The following DPH6 variants were observed in gnomAD, a reference collection of about 807,000 sequenced individuals.
DPH6 encodes diphthine--ammonia ligase.
A neutral mutation model predicts 38.2 loss-of-function variants in DPH6; 33 were observed. The observed-to-expected ratio is 0.86, with a 90% confidence interval of 0.65 to 1.15. DPH6 has a LOEUF of 1.15. DPH6 is among the 50% of genes most tolerant of loss of function. The pLI, the probability that DPH6 is intolerant of heterozygous loss-of-function variation, is 0.00. For missense variants in DPH6, 325 were observed against 320.0 expected (o/e 1.02, Z -0.12); for synonymous variants, 108 against 103.0 (o/e 1.05, Z -0.30).
chr15:35,361,821 T>C (rs1360050282), intron 3 of DPH6, among the ~76,000 whole-genome samples: 1 of 151,942 alleles, frequency 6.6e-6, no homozygotes, highest in African/African-American at 2.4e-5. Context: ...ATTTTGTTTA[T>C]GCATCATTTT....
chr15:35,160,507 G>A, the DPH6 span, among the ~76,000 whole-genome samples: 1 of 151,832 alleles, frequency 6.6e-6, no homozygotes, highest in Non-Finnish European at 1.5e-5. Context: ...TAAATTGCAT[G>A]TTGCTGGGGT....
chr15:35,459,880 CTTTG>C (rs2054042321), intron 3 of DPH6, among the ~76,000 whole-genome samples: 1 of 152,138 alleles, frequency 6.6e-6, no homozygotes. Flanking sequence ...ATGTTAGGTA[CTTTG>C]TTTATCTTAT....
chr15:35,245,872 A>G (rs1013772971), intron 3 of DPH6, among the ~76,000 whole-genome samples: 1 of 152,214 alleles, frequency 6.6e-6, no homozygotes, highest in South Asian at 2.1e-4. Flanking sequence ...TCTCAAGCAA[A>G]TGTTGAGTCT....
intron 3 of DPH6, among the ~76,000 whole-genome samples, chr15:35,363,713 TTTC>T (rs1467063545): frequency 1.3e-5 from 2 of 152,042 alleles, no homozygotes; most frequent in African/African-American, 4.8e-5. Context: ...TTTTGCCTTT[TTTC>T]TTTTTCTATT....
At chr15:35,188,483 T>C in the DPH6 span, among the ~76,000 whole-genome samples, 1 of 151,956 alleles carries the variant, frequency 6.6e-6, no homozygotes, top group African/African-American at 2.4e-5. Flanking sequence ...AAGTCAGAGG[T>C]CAAACAGTAC....
the DPH6 span, among the ~76,000 whole-genome samples, chr15:35,150,773 G>A: frequency 1.3e-5 from 2 of 152,148 alleles, no homozygotes; most frequent in Non-Finnish European, 2.9e-5. Context: ...ACATAGCCAT[G>A]TAAACAATAA....
At chr15:35,262,303 A>G (rs780489373) in intron 3 of DPH6, among the ~76,000 whole-genome samples, 9 of 152,224 alleles carry the variant, frequency 5.9e-5, no homozygotes, top group Non-Finnish European at 1.0e-4. Context: ...AGATAAACAC[A>G]CTTCATAAAA....
intron 3 of DPH6, among the ~76,000 whole-genome samples, chr15:35,224,736 ATTGTCAG>A (rs2051468088): frequency 6.6e-6 from 1 of 152,168 alleles, no homozygotes; most frequent in Non-Finnish European, 1.5e-5. Flanking sequence ...AGCATGTGGT[ATTGTCAG>A]TGTTTTGAAT....
chr15:35,524,499 T>A (rs373171770), intron 3 of DPH6, among the ~76,000 whole-genome samples: 25 of 152,298 alleles, frequency 1.6e-4, no homozygotes, highest in African/African-American at 6.0e-4. Flanking sequence ...GTATGCACTA[T>A]ATATGTACTG....
intron 3 of DPH6, among the ~76,000 whole-genome samples, chr15:35,285,872 G>GTTTGTTTTTTTT (rs2051938401): frequency 1.9e-5 from 1 of 52,794 alleles, no homozygotes; most frequent in African/African-American, 7.5e-5. Context: ...TTATCTTTGA[G>GTTTGTTTTTTTT]TTTTTTTTTT....
At chr15:35,269,804 T>A (rs1329292107) in intron 3 of DPH6, among the ~76,000 whole-genome samples, 1 of 148,318 alleles carries the variant, frequency 6.7e-6, no homozygotes, top group Non-Finnish European at 1.5e-5. Flanking sequence ...TTTTTTTTTT[T>A]TTTTGAGACG....
chr15:35,439,129 A>G (rs1356606576), intron 5 of DPH6, among the ~76,000 whole-genome samples: 2 of 152,260 alleles, frequency 1.3e-5, no homozygotes, highest in Admixed American at 1.3e-4. Flanking sequence ...AAGACTGGAT[A>G]GAATTGTCTT....
intron 3 of DPH6, among the ~76,000 whole-genome samples, chr15:35,474,569 T>C (rs2054242143): frequency 6.6e-6 from 1 of 152,186 alleles, no homozygotes; most frequent in African/African-American, 2.4e-5. Flanking sequence ...TTTTTCTTCA[T>C]AGATCATCTT....
At chr15:35,468,509 T>C (rs914061287) in intron 3 of DPH6, among the ~76,000 whole-genome samples, 3 of 152,082 alleles carry the variant, frequency 2.0e-5, no homozygotes, top group Non-Finnish European at 2.9e-5. Context: ...TACCCCATTA[T>C]CTCTCTATCC....
the DPH6 span, among the ~76,000 whole-genome samples, chr15:35,163,171 C>T: frequency 2.0e-5 from 3 of 151,840 alleles, no homozygotes; most frequent in Admixed American, 1.3e-4. Flanking sequence ...ATTATTTGGG[C>T]TTTGCTGAAG....
intron 3 of DPH6, among the ~76,000 whole-genome samples, chr15:35,313,540 C>T (rs1257812749): frequency 6.6e-6 from 1 of 151,896 alleles, no homozygotes; most frequent in Non-Finnish European, 1.5e-5. Context: ...TTTTATTGTA[C>T]AGATCTTTCA....
At chr15:35,327,432 G>A (rs968952004), downstream of DPH6, among the ~76,000 whole-genome samples, 2 of 143,262 alleles carry the variant, frequency 1.4e-5, no homozygotes, top group East Asian at 2.2e-4. Flanking sequence ...TGCAACCTCC[G>A]CCTCCTGGGT....
chr15:35,502,070 A>G (rs2141198015), intron 3 of DPH6, among the ~76,000 whole-genome samples: 1 of 152,240 alleles, frequency 6.6e-6, no homozygotes, highest in South Asian at 2.1e-4. Flanking sequence ...GAATATGGGG[A>G]AAAATAAAAC....
intron 3 of DPH6, among the ~76,000 whole-genome samples, chr15:35,491,710 T>C (rs2054482199): frequency 2.2e-5 from 2 of 92,780 alleles, no homozygotes; most frequent in African/African-American, 5.3e-5. Flanking sequence ...TAAATATCTT[T>C]ATATATGTAG....
Sources: allele counts gnomAD v4.1 joint callset (sites outside exome capture counted in the v4.1 genomes callset), GRCh38; gene constraint gnomAD v4.1.1; transcripts MANE v1.5; gene names NCBI Gene and HGNC (gene_info 2026-07-23, HGNC 2026-07-21).